LRRC37A2: variants seen among roughly 807,000 people sequenced by gnomAD.
The protein encoded by LRRC37A2 is leucine-rich repeat-containing protein 37A2.
Under a neutral mutation model 68.8 loss-of-function variants are expected in LRRC37A2, and 9 were observed. The ratio of observed to expected loss-of-function variants is 0.13; its 90% confidence interval spans 0.08 to 0.23. LRRC37A2 has a LOEUF of 0.23. LRRC37A2 is among the 10% of genes least tolerant of loss of function. The pLI, the probability that LRRC37A2 is intolerant of heterozygous loss-of-function variation, is 1.00. For missense variants in LRRC37A2, 168 were observed against 950.4 expected, an observed-to-expected ratio of 0.18 and a Z score of 10.82; for synonymous variants, 63 against 367.6, an observed-to-expected ratio of 0.17 and a Z score of 9.48.
the LRRC37A2 span, among the ~76,000 whole-genome samples, chr17:46,708,976 C>G: frequency 2.0e-5 from 3 of 151,636 alleles, no homozygotes; most frequent in Admixed American, 1.3e-4. Flanking sequence ...AGGCTTGCGC[C>G]ACCATGCCCG....
the LRRC37A2 span, among the ~76,000 whole-genome samples, chr17:47,032,695 A>T: frequency 6.6e-6 from 1 of 151,814 alleles, no homozygotes; most frequent in Non-Finnish European, 1.5e-5. Context: ...CACTGTGTCC[A>T]GCGCATTGCT....
At chr17:47,032,027 GAA>G in the LRRC37A2 span, among the ~76,000 whole-genome samples, 1 of 124,770 alleles carries the variant, frequency 8.0e-6, no homozygotes, top group Non-Finnish European at 1.7e-5. Flanking sequence ...TGTAGTGGTT[GAA>G]AAGTCTTGAG....
chr17:46,525,603 ATAATAATAATAATC>A (rs1417902344), intron 6 of LRRC37A2, among the ~76,000 whole-genome samples: 7 of 17,918 alleles, frequency 3.9e-4, no homozygotes, highest in South Asian at 3.5e-3. Flanking sequence ...TAATAATAAT[ATAATAATAATAATC>A]ATCATCATCA....
the LRRC37A2 span, among the ~76,000 whole-genome samples, chr17:46,727,232 C>T: frequency 2.0e-5 from 3 of 152,146 alleles, no homozygotes; most frequent in African/African-American, 7.2e-5. Context: ...TGCACTCCTA[C>T]AGAATACAAA....
At chr17:46,837,003 C>T in the LRRC37A2 span, among the ~76,000 whole-genome samples, 9 of 152,074 alleles carry the variant, frequency 5.9e-5, no homozygotes, top group East Asian at 1.9e-4. Context: ...AGTGCAGTGG[C>T]GTGATCTCGG....
the LRRC37A2 span, chr17:46,931,383 A>G: frequency 6.4e-6 from 4 of 627,652 alleles, no homozygotes; most frequent in Admixed American, 1.2e-4. Flanking sequence ...GCCGCTCAAA[A>G]TAAATAGCCT....
chr17:46,883,278 G>A, the LRRC37A2 span, among the ~76,000 whole-genome samples: 2 of 149,708 alleles, frequency 1.3e-5, no homozygotes, highest in Admixed American at 6.7e-5. Context: ...TACTGCGCCC[G>A]GCCTTTTTTT....
chr17:46,973,486 T>A, the LRRC37A2 span, among the ~76,000 whole-genome samples: 1 of 152,016 alleles, frequency 6.6e-6, no homozygotes, highest in Non-Finnish European at 1.5e-5. Flanking sequence ...TGTTGAAAAT[T>A]GTTGAGATCT....
At chr17:46,952,086 T>C in the LRRC37A2 span, among the ~76,000 whole-genome samples, 3 of 152,236 alleles carry the variant, frequency 2.0e-5, no homozygotes, top group African/African-American at 7.2e-5. Flanking sequence ...GAAGCTATTT[T>C]TTTGGTGCAT....
At chr17:46,937,368 A>T in the LRRC37A2 span, 1 of 152,230 alleles carries the variant, frequency 6.6e-6, no homozygotes, top group Non-Finnish European at 1.5e-5. Flanking sequence ...TTGGAACTAG[A>T]GAGCCGAGGA....
the LRRC37A2 span, among the ~76,000 whole-genome samples, chr17:46,448,937 G>A: frequency 1.5e-5 from 1 of 65,828 alleles, no homozygotes; most frequent in Non-Finnish European, 3.1e-5. Flanking sequence ...ATATACGTGA[G>A]AACATCTGAT....
At chr17:46,756,503 C>G in the LRRC37A2 span, 2 of 152,246 alleles carry the variant, frequency 1.3e-5, no homozygotes, top group South Asian at 2.1e-4. Context: ...CTAATTTGCT[C>G]TGTGGTAAGA....
chr17:46,398,247 C>T, the LRRC37A2 span, among the ~76,000 whole-genome samples: 1,068 of 136,216 alleles, frequency 7.8e-3, no homozygotes, highest in African/African-American at 0.026. Context: ...TAATCAAGTG[C>T]GGGTACGTTG....
the LRRC37A2 span, among the ~76,000 whole-genome samples, chr17:46,688,212 A>G: frequency 6.7e-6 from 1 of 150,216 alleles, no homozygotes; most frequent in Non-Finnish European, 1.5e-5. Flanking sequence ...AACAAAAACT[A>G]TAAAACTTTA....
chr17:46,815,922 C>G, the LRRC37A2 span, among the ~76,000 whole-genome samples: 1 of 152,290 alleles, frequency 6.6e-6, no homozygotes, highest in South Asian at 2.1e-4. Flanking sequence ...CACAGCCACA[C>G]AGCCCTGGGC....
chr17:46,952,238 C>T, the LRRC37A2 span, among the ~76,000 whole-genome samples: 38 of 152,332 alleles, frequency 2.5e-4, no homozygotes, highest in Admixed American at 2.5e-3. Flanking sequence ...CCACGGGACT[C>T]AGCGAGGGCT....
At chr17:46,881,297 C>G in the LRRC37A2 span, among the ~76,000 whole-genome samples, 1 of 152,248 alleles carries the variant, frequency 6.6e-6, no homozygotes, top group African/African-American at 2.4e-5. Flanking sequence ...GCATCCCCGT[C>G]CTAACATGCT....
the LRRC37A2 span, among the ~76,000 whole-genome samples, chr17:46,822,861 G>A: frequency 6.6e-6 from 1 of 151,884 alleles, no homozygotes; most frequent in African/African-American, 2.4e-5. Context: ...GCTGCCAGCG[G>A]CAGGCGGATG....
chr17:46,777,633 T>A, the LRRC37A2 span, among the ~76,000 whole-genome samples: 8 of 152,238 alleles, frequency 5.3e-5, no homozygotes, highest in Non-Finnish European at 1.2e-4. Flanking sequence ...ATGACAACTA[T>A]TTATGTAGCA....
Sources: gnomAD v4.1 joint callset for allele counts (sites outside exome capture counted in the v4.1 genomes callset) on GRCh38, gnomAD v4.1.1 for gene constraint, MANE v1.5 for transcripts, NCBI Gene and HGNC (gene_info 2026-07-23, HGNC 2026-07-21) for gene names.